Variants in TBC1D22A observed in about 807,000 individuals in gnomAD.
TBC1D22A encodes putative GTPase activator.
Under a neutral mutation model 60.2 loss-of-function variants are expected in TBC1D22A, and 38 were observed. That is an observed-to-expected ratio of 0.63 (90% confidence interval 0.49 to 0.83). TBC1D22A has a LOEUF of 0.83. Among genes scored for constraint, TBC1D22A ranks in the 40% least tolerant of loss-of-function variants. The pLI is 0.00. For synonymous variants in TBC1D22A, 302 were observed against 281.7 expected (o/e 1.07, Z -0.72); for missense variants, 628 against 701.0 (o/e 0.90, Z 1.18).
chr22:47,061,917 G>A lies in TBC1D22A; in HGVS notation c.1329+24719G>A, dbSNP rs150974779. On this transcript the variant is annotated intron_variant, in intron 11 of 12. Coordinates refer to ENST00000337137, the MANE Select transcript of TBC1D22A (RefSeq NM_014346.5). ...AGCCTGGCCAACATGGCAAAACCCC[G>A]TTTCTACTAAAAATACAAACGTTAG... is the stretch of plus-strand genomic sequence containing the variant. 6.5e-3 allele frequency among the ~76,000 whole-genome samples: 986 copies of A among 151,916 alleles called. 11 individuals carry two copies. The highest frequency in any genetic ancestry group is 0.023 in the African/African-American group (943 of 41,410).
intron 9 of TBC1D22A, among the ~76,000 whole-genome samples, chr22:46,989,959 C>T (rs545068200): frequency 4.6e-5 from 7 of 152,248 alleles, no homozygotes; most frequent in African/African-American, 1.2e-4. Flanking sequence ...CTTGCCACCA[C>T]ACCTGGATAA....
At chr22:46,945,387 G>A (rs1026750626) in intron 8 of TBC1D22A, among the ~76,000 whole-genome samples, 4 of 152,172 alleles carry the variant, frequency 2.6e-5, no homozygotes, top group Non-Finnish European at 5.9e-5. Context: ...TATTTAGCAC[G>A]TTGTTTCTGA....
At chr22:46,831,605 A>G (rs955172886) in intron 4 of TBC1D22A, among the ~76,000 whole-genome samples, 9 of 152,174 alleles carry the variant, frequency 5.9e-5, no homozygotes, top group African/African-American at 2.2e-4. Flanking sequence ...AGCTTACCAA[A>G]CAATCCCCTG....
At chr22:46,967,949 A>C (rs563428747) in intron 8 of TBC1D22A, among the ~76,000 whole-genome samples, 1 of 152,138 alleles carries the variant, frequency 6.6e-6, no homozygotes, top group South Asian at 2.1e-4. Context: ...CCCCCTGGTA[A>C]TTACAAGCTA....
chr22:46,908,881 C>T (rs768049580), intron 7 of TBC1D22A, among the ~76,000 whole-genome samples: 16 of 152,234 alleles, frequency 1.1e-4, no homozygotes, highest in South Asian at 2.1e-4. Flanking sequence ...ATGTCTCTCC[C>T]GAGGCTGTGC....
rs1480465804 is a variant in TBC1D22A, at chr22:47,029,322, G to A, written c.1202-7749G>A. 2.6e-5 allele frequency among the ~76,000 whole-genome samples: 4 copies of A among 151,908 alleles called. No homozygotes were observed. In the East Asian group the frequency reaches 5.8e-4, roughly 22 times the overall value. On this transcript the variant is annotated intron_variant, in intron 10 of 12. Transcript: ENST00000337137. ...TTCCCGTGGGGCCCGGGAACACAGCGCTTCCATACCCCTCCCAATGGGGCC... is the reference window on the plus strand; with the variant it reads ...TTCCCGTGGGGCCCGGGAACACAGCACTTCCATACCCCTCCCAATGGGGCC...
chr22:46,815,593 A>G (rs953946351), intron 4 of TBC1D22A, among the ~76,000 whole-genome samples: 3 of 152,046 alleles, frequency 2.0e-5, no homozygotes, highest in African/African-American at 4.8e-5. Flanking sequence ...TTGTTTGCTC[A>G]CTCATGAATT....
intron 8 of TBC1D22A, among the ~76,000 whole-genome samples, chr22:46,937,875 A>G (rs1416079929): frequency 6.6e-6 from 1 of 152,168 alleles, no homozygotes; most frequent in Non-Finnish European, 1.5e-5. Context: ...AGACAGAAAA[A>G]AGCTTATAGA....
chr22:46,835,941 A>ATGC (rs1259294265), intron 4 of TBC1D22A, among the ~76,000 whole-genome samples: 1 of 152,192 alleles, frequency 6.6e-6, no homozygotes, highest in Admixed American at 6.5e-5. Context: ...ATTCAAAGTA[A>ATGC]TGCAAGGAAA....
At chr22:46,883,727 C>T (rs2067967671) in intron 5 of TBC1D22A, among the ~76,000 whole-genome samples, 1 of 152,332 alleles carries the variant, frequency 6.6e-6, no homozygotes, top group East Asian at 1.9e-4. Context: ...GAAGGCTGGG[C>T]CCCTTCACTG....
At chr22:46,963,843 G>C (rs1243179258) in intron 8 of TBC1D22A, among the ~76,000 whole-genome samples, 2 of 152,218 alleles carry the variant, frequency 1.3e-5, no homozygotes, top group African/African-American at 2.4e-5. Context: ...CAGCAGTGGG[G>C]AGGCAGGCGC....
chr22:46,885,194 T>C (rs544283732), intron 5 of TBC1D22A, among the ~76,000 whole-genome samples: 2 of 152,186 alleles, frequency 1.3e-5, no homozygotes, highest in South Asian at 4.2e-4. Flanking sequence ...GGTGAATGAA[T>C]GTTGTTGTTG....
chr22:46,872,804 C>A (rs1351030473), intron 4 of TBC1D22A, among the ~76,000 whole-genome samples: 1 of 152,282 alleles, frequency 6.6e-6, no homozygotes, highest in African/African-American at 2.4e-5. Context: ...CCCATCAAGT[C>A]CTTAGCTGAG....
intron 11 of TBC1D22A, among the ~76,000 whole-genome samples, chr22:47,047,018 T>C (rs773105546): frequency 6.6e-6 from 1 of 152,232 alleles, no homozygotes; most frequent in Non-Finnish European, 1.5e-5. Context: ...TTATCTGCAG[T>C]GTGACCTTAA....
intron 12 of TBC1D22A, among the ~76,000 whole-genome samples, chr22:47,151,099 C>T (rs989413438): frequency 3.9e-5 from 6 of 152,120 alleles, no homozygotes; most frequent in Non-Finnish European, 8.8e-5. Flanking sequence ...GCGTGGGGAG[C>T]AACCCGCTCC....
At chr22:47,154,086 G>A (rs578234302) in intron 12 of TBC1D22A, among the ~76,000 whole-genome samples, 9 of 152,278 alleles carry the variant, frequency 5.9e-5, no homozygotes, top group East Asian at 1.9e-4. Flanking sequence ...AAGAGGGCGC[G>A]TGGCTGGCGG....
intron 11 of TBC1D22A, among the ~76,000 whole-genome samples, chr22:47,056,462 A>AC (rs933759920): frequency 3.4e-4 from 51 of 151,776 alleles, no homozygotes; most frequent in African/African-American, 1.2e-3. Flanking sequence ...AGATGAGGCC[A>AC]CCCCCCTTCC....
chr22:46,949,554 G>A (rs560069520), intron 8 of TBC1D22A, among the ~76,000 whole-genome samples: 48 of 152,286 alleles, frequency 3.2e-4, no homozygotes, highest in African/African-American at 1.0e-3. Flanking sequence ...ATTCCTACTC[G>A]TTTGGTGATA....
At chr22:46,767,015 T>C (rs2083312689) in intron 1 of TBC1D22A, among the ~76,000 whole-genome samples, 1 of 152,216 alleles carries the variant, frequency 6.6e-6, no homozygotes, top group South Asian at 2.1e-4. Context: ...ATACCTGGTG[T>C]TTATTCCGAA....
Sources: gnomAD v4.1 joint callset for allele counts (sites outside exome capture counted in the v4.1 genomes callset) on GRCh38, gnomAD v4.1.1 for gene constraint, MANE v1.5 for transcripts, NCBI Gene and HGNC (gene_info 2026-07-23, HGNC 2026-07-21) for gene names.